Variants in ADAMTS17 observed in about 807,000 individuals in gnomAD.
The protein encoded by ADAMTS17 is A disintegrin and metalloproteinase with thrombospondin motifs 17.
ADAMTS17 carries 113 observed loss-of-function variants against 141.5 expected under a neutral mutation model. The ratio of observed to expected loss-of-function variants is 0.80; its 90% CI spans 0.69 to 0.93. The LOEUF is 0.93. Ranked by LOEUF, ADAMTS17 falls within the 40% of genes least tolerant of loss-of-function variation. ADAMTS17 has a pLI of 0.00. For synonymous variants in ADAMTS17, 768 were observed against 630.6 expected, an observed-to-expected ratio of 1.22 and a Z score of -3.27; for missense variants, 1,659 against 1,517.9, an observed-to-expected ratio of 1.09 and a Z score of -1.54.
At chr15:100,177,342 G>A (rs1477114419) in intron 8 of ADAMTS17, among the ~76,000 whole-genome samples, 1 of 152,152 alleles carries the variant, frequency 6.6e-6, no homozygotes, top group African/African-American at 2.4e-5. Context: ...TTGATAAAAT[G>A]GGTTTTCATT....
intron 10 of ADAMTS17, among the ~76,000 whole-genome samples, chr15:100,136,026 G>T (rs895912224): frequency 1.3e-5 from 2 of 152,194 alleles, no homozygotes; most frequent in Non-Finnish European, 2.9e-5. Flanking sequence ...GGCAGTATTT[G>T]CTAAAGCTGA....
At chr15:99,982,334 G>T (rs1225693570) in intron 20 of ADAMTS17, among the ~76,000 whole-genome samples, 1 of 152,300 alleles carries the variant, frequency 6.6e-6, no homozygotes, top group Middle Eastern at 3.4e-3. Flanking sequence ...CCCTCCACAG[G>T]CAGGTGCACA....
chr15:100,183,010 A>C (rs2040579961), intron 8 of ADAMTS17, among the ~76,000 whole-genome samples: 1 of 151,302 alleles, frequency 6.6e-6, no homozygotes, highest in Admixed American at 6.6e-5. Flanking sequence ...TTTTTTTGAG[A>C]CAGAGTCTCG....
At chr15:100,027,897 A>C (rs2141473798) in intron 18 of ADAMTS17, among the ~76,000 whole-genome samples, 1 of 152,276 alleles carries the variant, frequency 6.6e-6, no homozygotes, top group South Asian at 2.1e-4. Context: ...TGGGGAGTAG[A>C]ATGAGTGCCC....
intron 20 of ADAMTS17, among the ~76,000 whole-genome samples, chr15:99,977,382 ATATATATATATATATATAATTTTTTTT>A (rs2078173077): frequency 1.4e-4 from 3 of 20,928 alleles, no homozygotes; most frequent in African/African-American, 2.2e-4. Context: ...ATATATATAT[ATATATATATATATATATAATTTTTTTT>A]TTTTTTTTTT....
chr15:100,312,624 G>A (rs2045440791), intron 3 of ADAMTS17, among the ~76,000 whole-genome samples: 1 of 152,234 alleles, frequency 6.6e-6, no homozygotes. Flanking sequence ...TGCAGATACA[G>A]TGTGATGCTC....
chr15:100,063,221 T>C (rs2033255689), intron 15 of ADAMTS17, among the ~76,000 whole-genome samples: 1 of 152,200 alleles, frequency 6.6e-6, no homozygotes, highest in Non-Finnish European at 1.5e-5. Context: ...TTGGTATCCT[T>C]CTGGGTTTCC....
intron 12 of ADAMTS17, among the ~76,000 whole-genome samples, chr15:100,117,327 A>AAC (rs2037201450): frequency 6.6e-6 from 1 of 152,204 alleles, no homozygotes. Context: ...GGCCATGGGT[A>AAC]ACACTGAAAA....
intron 10 of ADAMTS17, among the ~76,000 whole-genome samples, chr15:100,140,912 T>A (rs1301228820): frequency 1.3e-5 from 2 of 151,998 alleles, no homozygotes; most frequent in Admixed American, 1.3e-4. Context: ...GGGCAGCACG[T>A]CCCTGGGCTT....
intron 8 of ADAMTS17, among the ~76,000 whole-genome samples, chr15:100,192,814 C>T (rs1339707396): frequency 6.6e-6 from 1 of 152,200 alleles, no homozygotes; most frequent in Admixed American, 6.5e-5. Flanking sequence ...TCATTTGAAC[C>T]ATGTCAACTC....
At chr15:100,101,521 G>A (rs2900636) in intron 14 of ADAMTS17, among the ~76,000 whole-genome samples, 28,192 of 152,120 alleles carry the variant, frequency 0.19, 2,716 homozygotes, top group Admixed American at 0.22. Context: ...TCACGCCTTC[G>A]CCTCTGGTCG....
intron 18 of ADAMTS17, among the ~76,000 whole-genome samples, chr15:100,001,505 T>A (rs1215004027): frequency 6.6e-6 from 1 of 152,130 alleles, no homozygotes; most frequent in African/African-American, 2.4e-5. Context: ...AAGCCTAAGA[T>A]GAACCATAGA....
In ADAMTS17 at chr15:100,339,186, CTAAAGGGAAGGACAGT is replaced by C. The variant is rs577598266; in HGVS notation, c.450+1837_450+1852del. On this transcript the variant is annotated intron_variant, in intron 2 of 21. Transcript: ENST00000268070. ...TAAAGCACAGCACCCTCACATGGTG[CTAAAGGGAAGGACAGT>C]CTTGCCGAGAAGCTGGCTGAGATGC... 3,041 of 985,214 alleles carry C rather than the reference CTAAAGGGAAGGACAGT, an allele frequency of 3.1e-3. 1 individual carries two copies. The highest frequency in any genetic ancestry group is 3.5e-3 in the Non-Finnish European group (2,880 of 829,702). The allele number at this position is 985,214 out of a possible 1,614,324, so 61.0% of individuals were successfully genotyped here. A position where few individuals can be genotyped will look rare whatever the true frequency, so the allele number is the denominator to read the frequency against.
At chr15:100,190,516 G>A (rs940554517) in intron 8 of ADAMTS17, among the ~76,000 whole-genome samples, 1 of 151,700 alleles carries the variant, frequency 6.6e-6, no homozygotes, top group African/African-American at 2.4e-5. Context: ...GAGGCCACAG[G>A]TTGGGCCTGT....
At chr15:100,331,080 G>A (rs757719699) in intron 2 of ADAMTS17, 26 bp from the exon 3 acceptor site, 126 of 1,613,762 alleles carry the variant, frequency 7.8e-5, no homozygotes, top group Non-Finnish European at 9.7e-5. Context: ...AAGGAAACGC[G>A]ATGTCGGTCA....
intron 10 of ADAMTS17, among the ~76,000 whole-genome samples, 189 bp downstream of exon 10, chr15:100,152,423 C>T (rs1417657441): frequency 6.6e-6 from 1 of 152,060 alleles, no homozygotes; most frequent in Non-Finnish European, 1.5e-5. Flanking sequence ...TGTGCAAATG[C>T]CTGTGAGAGT....
intron 15 of ADAMTS17, among the ~76,000 whole-genome samples, chr15:100,089,787 A>T (rs1489638924): frequency 7.0e-6 from 1 of 143,326 alleles, no homozygotes; most frequent in African/African-American, 2.6e-5. Context: ...AACAATGAGA[A>T]CACATGGACA....
intron 16 of ADAMTS17, among the ~76,000 whole-genome samples, chr15:100,052,462 C>T (rs2032221087): frequency 6.6e-6 from 1 of 152,244 alleles, no homozygotes; most frequent in Admixed American, 6.5e-5. Flanking sequence ...TAGTTGCTTT[C>T]TCCGAGTTTT....
At chr15:100,269,604 C>T (rs1248447325) in intron 4 of ADAMTS17, among the ~76,000 whole-genome samples, 2 of 152,160 alleles carry the variant, frequency 1.3e-5, no homozygotes, top group Non-Finnish European at 2.9e-5. Flanking sequence ...CCCTCGCAGC[C>T]CCAGAGCAGT....
Sources: gnomAD v4.1 joint callset for allele counts (sites outside exome capture counted in the v4.1 genomes callset) on GRCh38, gnomAD v4.1.1 for gene constraint, MANE v1.5 for transcripts, NCBI Gene and HGNC (gene_info 2026-07-23, HGNC 2026-07-21) for gene names.